Variants in URM1 observed in about 807,000 individuals in gnomAD.
URM1 encodes ubiquitin-related modifier 1.
Under a neutral mutation model 17.7 loss-of-function variants are expected in URM1, and 11 were observed. That is an observed-to-expected ratio of 0.62 (90% CI 0.39 to 1.03). URM1 has a LOEUF of 1.03. URM1 is among the 50% of genes least tolerant of loss of function. The pLI, the probability that URM1 is intolerant of heterozygous loss-of-function variation, is 0.00. For missense variants in URM1, 128 were observed against 129.2 expected (o/e 0.99, Z 0.04); for synonymous variants, 48 against 50.6 (o/e 0.95, Z 0.22).
At chr9:128,381,600 G>A (rs1024518695) in intron 2 of URM1, among the ~76,000 whole-genome samples, 3 of 152,210 alleles carry the variant, frequency 2.0e-5, no homozygotes, top group African/African-American at 7.2e-5. Flanking sequence ...CAGGAGAATC[G>A]CTTGAACCCT....
rs547494584 is a variant in URM1, at chr9:128,389,978, G to A, written c.*244G>A. 5.4e-4 allele frequency: 309 copies of A among 571,856 alleles called. 1 individual carries two copies. The highest frequency in any genetic ancestry group is 5.3e-3 in the African/African-American group (283 of 52,900). The allele number at this position is 571,856 out of a possible 1,614,324, so 35.4% of individuals were successfully genotyped here. Reference sequence around the variant, plus strand: ...CTCCCTTTTCCAGCAGCTGTGGTGGGGGAGGGTTCCCCTCCAGTTTGTCAA... The same window carrying A: ...CTCCCTTTTCCAGCAGCTGTGGTGGAGGAGGGTTCCCCTCCAGTTTGTCAA... On this transcript the variant is annotated 3_prime_UTR_variant, in exon 5 of 5. Coordinates refer to ENST00000372853, the MANE Select transcript of URM1 (RefSeq NM_030914.4).
intron 1 of URM1, among the ~76,000 whole-genome samples, chr9:128,377,240 A>G (rs1833089953): frequency 6.6e-6 from 1 of 152,140 alleles, no homozygotes; most frequent in African/African-American, 2.4e-5. Flanking sequence ...GGAATTGGTC[A>G]CTGGGTCTGG....
rs530661309 is a variant in URM1 at position 128,376,760 on chromosome 9, G to A, written c.36-1276G>A. On this transcript the variant is annotated intron_variant, in intron 1 of 4. Coordinates refer to ENST00000372853, the MANE Select transcript of URM1 (RefSeq NM_030914.4). ...TCAGCACTTTGGGAGGCCAAGGCAG[G>A]GAGATTACTTGAGCTCAAGAGTTCG... 2.0e-5 allele frequency among the ~76,000 whole-genome samples: 3 copies of A among 152,298 alleles called. No individual in the cohort carries two copies. The East Asian group carries it at 5.8e-4, about 29-fold the overall frequency.
intron 2 of URM1, among the ~76,000 whole-genome samples, chr9:128,381,192 A>T (rs1833155624): frequency 1.3e-5 from 2 of 152,186 alleles, no homozygotes; most frequent in Admixed American, 1.3e-4. Context: ...CCATCACTGT[A>T]CTAAGTTACT....
At position 128,390,155 on chromosome 9, in the gene URM1, G is replaced by GC. The variant is rs1439797953; in HGVS notation, c.*425dup. On this transcript the variant is annotated 3_prime_UTR_variant, in exon 5 of 5. Transcript: ENST00000372853. ...AATGGACCTGAGTAGCTGAAGGAAG[G>GC]CCCCTCCCTACCCAAAGACTGGAGG... The GC allele has an allele frequency of 1.5e-5, 3 of 197,722 alleles. No homozygotes were observed. The highest frequency in any genetic ancestry group is 4.7e-5 in the African/African-American group (2 of 42,476). 12.2% of individuals were successfully genotyped at this position (197,722 alleles called of 1,614,324 possible).
chr9:128,377,204 C>T (rs1259185037), intron 1 of URM1, among the ~76,000 whole-genome samples: 1 of 152,058 alleles, frequency 6.6e-6, no homozygotes, highest in Non-Finnish European at 1.5e-5. Context: ...TTATATCCTA[C>T]CTTGCCACAT....
intron 2 of URM1, among the ~76,000 whole-genome samples, chr9:128,381,986 C>T (rs1462010508): frequency 1.3e-5 from 2 of 152,190 alleles, no homozygotes; most frequent in Non-Finnish European, 2.9e-5. Context: ...TAAGAGACCC[C>T]TAAAAGAGAA....
At chr9:128,379,981 C>T (rs778807709) in intron 2 of URM1, among the ~76,000 whole-genome samples, 2 of 152,006 alleles carry the variant, frequency 1.3e-5, no homozygotes, top group Non-Finnish European at 2.9e-5. Flanking sequence ...GGCATAGTGG[C>T]ATGCACCTGT....
Position 128,373,580 on chromosome 9 carries a change from C to T in URM1, c.35+2165C>T, listed in dbSNP as rs527950559. Among the ~76,000 whole-genome samples the T allele has an allele frequency of 8.5e-5, 13 of 152,310 alleles. No homozygotes were observed. The South Asian group carries it at 2.7e-3, about 32-fold the overall frequency. ...AGTGACCACGTCTGCCACCCTTTGTCTTCCCCCTGAATTGTTCTCAGCAGA... is the reference window on the plus strand; with the variant it reads ...AGTGACCACGTCTGCCACCCTTTGTTTTCCCCCTGAATTGTTCTCAGCAGA... On this transcript the variant is annotated intron_variant, in intron 1 of 4. Coordinates refer to ENST00000372853, the MANE Select transcript of URM1 (RefSeq NM_030914.4).
intron 2 of URM1, among the ~76,000 whole-genome samples, chr9:128,379,070 C>T (rs896566619): frequency 6.6e-6 from 1 of 151,920 alleles, no homozygotes; most frequent in Non-Finnish European, 1.5e-5. Flanking sequence ...TGGGTTCTAG[C>T]AAGGGCTCAG....
At chr9:128,389,179 C>T in intron 3 of URM1, 82 bp from the exon 4 acceptor site, 1 of 1,521,892 alleles carries the variant, frequency 6.6e-7, no homozygotes, top group South Asian at 1.3e-5. Flanking sequence ...TCTCCTGCAG[C>T]CCAAAGCTCT....
intron 1 of URM1, among the ~76,000 whole-genome samples, chr9:128,371,966 A>T (rs1216510290): frequency 3.9e-5 from 6 of 152,196 alleles, no homozygotes; most frequent in African/African-American, 1.4e-4. Context: ...CCTTCTGCAG[A>T]ACTGGAGTCA....
intron 2 of URM1, among the ~76,000 whole-genome samples, chr9:128,386,093 G>A (rs1833223323): frequency 6.6e-6 from 1 of 152,108 alleles, no homozygotes; most frequent in East Asian, 1.9e-4. Flanking sequence ...AGGGAGTCAG[G>A]GCTGTCCCCT....
At chr9:128,383,888 G>A (rs748697555) in intron 2 of URM1, among the ~76,000 whole-genome samples, 3 of 152,162 alleles carry the variant, frequency 2.0e-5, no homozygotes, top group Non-Finnish European at 4.4e-5. Context: ...GCTTGCGTCG[G>A]TGCTCTCCAC....
Position 128,389,821 on chromosome 9 carries a change from C to G in URM1, c.*87C>G. The G allele has an allele frequency of 1.3e-6, 2 of 1,563,804 alleles. No homozygotes were observed. The highest frequency in any genetic ancestry group is 8.7e-7 in the Non-Finnish European group (1 of 1,145,910). On this transcript the variant is annotated 3_prime_UTR_variant, in exon 5 of 5. Coordinates refer to ENST00000372853, the MANE Select transcript of URM1 (RefSeq NM_030914.4). ...GGGCCCTGCTTCCAGGTCTCCCTGTCCCCCTTGCCTGCCTTCTTCCCTGCT... is the reference window on the plus strand; with the variant it reads ...GGGCCCTGCTTCCAGGTCTCCCTGTGCCCCTTGCCTGCCTTCTTCCCTGCT...
chr9:128,389,624 G>GGT, intron 4 of URM1, 42 bp from the exon 5 acceptor site: 1 of 1,612,004 alleles, frequency 6.2e-7, no homozygotes, highest in South Asian at 1.1e-5. Flanking sequence ...GACCTGGGAA[G>GGT]GTGGCCCTGA....
At chr9:128,384,224 C>T (rs372167062) in intron 2 of URM1, among the ~76,000 whole-genome samples, 3 of 152,196 alleles carry the variant, frequency 2.0e-5, no homozygotes, top group African/African-American at 7.2e-5. Flanking sequence ...AGCAGCAGCT[C>T]TCATTGCCTG....
At chr9:128,378,441 G>A (rs1440622469) in intron 2 of URM1, among the ~76,000 whole-genome samples, 1 of 149,940 alleles carries the variant, frequency 6.7e-6, no homozygotes, top group Non-Finnish European at 1.5e-5. Flanking sequence ...GGAGGCTGAG[G>A]CAGGAGAATT....
intron 2 of URM1, among the ~76,000 whole-genome samples, chr9:128,383,378 C>CT (rs971822604): frequency 3.3e-5 from 5 of 152,262 alleles, no homozygotes; most frequent in African/African-American, 9.6e-5. Context: ...TCCTCTGTTA[C>CT]TCCCCCCTTG....
Sources: gnomAD v4.1 joint callset for allele counts (sites outside exome capture counted in the v4.1 genomes callset) on GRCh38, gnomAD v4.1.1 for gene constraint, MANE v1.5 for transcripts, NCBI Gene and HGNC (gene_info 2026-07-23, HGNC 2026-07-21) for gene names.